CNOT4: variants seen among roughly 807,000 people sequenced by gnomAD.
CNOT4 encodes the protein CCR4-NOT transcription complex subunit 4.
A neutral mutation model predicts 73.8 loss-of-function variants in CNOT4; 8 were observed. That is an observed-to-expected ratio of 0.11 (90% CI 0.06 to 0.20). The LOEUF is 0.20. Among genes scored for constraint, CNOT4 ranks in the 10% least tolerant of loss-of-function variants. The probability of loss-of-function intolerance (pLI) is 1.00; values close to 1 mark genes in which losing one functional copy is unlikely to be tolerated. For synonymous variants in CNOT4, 293 were observed against 321.1 expected, an observed-to-expected ratio of 0.91 and a Z score of 0.94; for missense variants, 564 against 883.4, an observed-to-expected ratio of 0.64 and a Z score of 4.58.
At chr7:135,411,223 A>G (rs1263350815) in intron 6 of CNOT4, among the ~76,000 whole-genome samples, 2 of 152,024 alleles carry the variant, frequency 1.3e-5, no homozygotes, top group Admixed American at 6.6e-5. Flanking sequence ...ATAAAAATTA[A>G]TGTATTTTAA....
chr7:135,362,618 A>AT lies in CNOT4; in HGVS notation c.*266dup, dbSNP rs927120468. ...TTCTAAGTATTGAGACTGCCCTTTG[A>AT]TTTTTTTTTCTCTCCTTAAAAAGGC... is the stretch of plus-strand genomic sequence containing the variant. On this transcript the variant is annotated 3_prime_UTR_variant, in exon 12 of 12. Coordinates refer to ENST00000541284, the MANE Select transcript of CNOT4 (RefSeq NM_001190850.2). The AT allele has an allele frequency of 1.4e-3, 773 of 569,440 alleles. 1 individual carries two copies. Among genetic ancestry groups the AT allele is most frequent in the East Asian group, 6.3e-3 (203 of 32,282 alleles). The allele number at this position is 569,440 out of a possible 1,614,324, so 35.3% of individuals were successfully genotyped here.
chr7:135,417,796 A>G (rs1442694031), intron 3 of CNOT4, among the ~76,000 whole-genome samples: 1 of 152,120 alleles, frequency 6.6e-6, no homozygotes, highest in Non-Finnish European at 1.5e-5. Flanking sequence ...CTGCAATCTA[A>G]TCTTCCAGCC....
rs1197741517 is a variant in CNOT4, at chr7:135,394,020, T to C, written c.1525A>G (p.Met509Val). ...PWMAFPRNSI[M>V]HLNHTANPTS... ...GGGTTTGCTGTGTGGTTCAAGTGCA[T>C]GATGCTATTGCGTGGAAAGGCCATC... The change falls in exon 10 of 12, where the codon ATG (methionine) becomes GTG (valine). Residue 509 changes from methionine to valine, a missense_variant. By Grantham distance (21) the Met-to-Val change is conservative. Coordinates refer to ENST00000541284, the MANE Select transcript of CNOT4 (RefSeq NM_001190850.2). The C allele has an allele frequency of 5.0e-6, 8 of 1,614,044 alleles. No individual in the cohort carries two copies. The highest frequency in any genetic ancestry group is 1.1e-5 in the South Asian group (1 of 91,076).
At chr7:135,456,955 T>C (rs1800572725) in intron 1 of CNOT4, among the ~76,000 whole-genome samples, 1 of 152,054 alleles carries the variant, frequency 6.6e-6, no homozygotes, top group Admixed American at 6.6e-5. Context: ...GATAAGATTT[T>C]GTACATAGAA....
intron 2 of CNOT4, among the ~76,000 whole-genome samples, chr7:135,422,965 A>G (rs1319910080): frequency 6.6e-6 from 1 of 152,136 alleles, no homozygotes; most frequent in Non-Finnish European, 1.5e-5. Flanking sequence ...GAATGCTGGC[A>G]CTGCATCCTA....
chr7:135,476,179 G>A (rs1186731509), intron 1 of CNOT4, among the ~76,000 whole-genome samples: 3 of 152,158 alleles, frequency 2.0e-5, no homozygotes, highest in Non-Finnish European at 4.4e-5. Flanking sequence ...TCCAATGGGA[G>A]AAGATTTTCC....
intron 1 of CNOT4, among the ~76,000 whole-genome samples, chr7:135,466,239 T>A (rs1163375971): frequency 6.6e-6 from 1 of 151,968 alleles, no homozygotes; most frequent in South Asian, 2.1e-4. Flanking sequence ...CCCAGCACTT[T>A]GGCAGTCTGA....
intron 3 of CNOT4, among the ~76,000 whole-genome samples, chr7:135,421,391 G>C (rs1281079194): frequency 6.6e-6 from 1 of 152,026 alleles, no homozygotes; most frequent in Non-Finnish European, 1.5e-5. Flanking sequence ...CTCCTACCAA[G>C]TAAACACTCT....
At position 135,364,088 on chromosome 7, in the gene CNOT4, A is replaced by C; in HGVS notation, c.1628-22T>G. Reference sequence around the variant, plus strand: ...TTGTCTGGGAGATTTACCAACAAAAAAATGAAAGATAAAAAAAAATAAAAA... The same window carrying C: ...TTGTCTGGGAGATTTACCAACAAAACAATGAAAGATAAAAAAAAATAAAAA... On this transcript the variant is annotated intron_variant, in intron 10 of 11. Coordinates refer to ENST00000541284, the MANE Select transcript of CNOT4 (RefSeq NM_001190850.2). This position sits in a 1 kb window ranked among gnomAD's most constrained non-coding sequence, Gnocchi z 4.3. The C allele has an allele frequency of 6.6e-7, 1 of 1,512,826 alleles. No individual in the cohort carries two copies. Among genetic ancestry groups the C allele is most frequent in the Non-Finnish European group, 8.9e-7 (1 of 1,119,020 alleles). The allele number at this position is 1,512,826 out of a possible 1,614,324, so 93.7% of individuals were successfully genotyped here.
chr7:135,389,157 C>CAAAAAAAAAAAAAAAAAAA (rs11292254), intron 10 of CNOT4, among the ~76,000 whole-genome samples: 2 of 83,670 alleles, frequency 2.4e-5, no homozygotes, highest in Non-Finnish European at 4.7e-5. Context: ...AACATACTAC[C>CAAAAAAAAAAAAAAAAAAA]AAAAAAAAAA....
chr7:135,376,696 A>C (rs1795538623), intron 10 of CNOT4, among the ~76,000 whole-genome samples: 1 of 152,196 alleles, frequency 6.6e-6, no homozygotes, highest in Non-Finnish European at 1.5e-5. Flanking sequence ...ATTACACAGC[A>C]CACTTTATTT....
At chr7:135,485,467 C>A (rs1435096319) in intron 1 of CNOT4, among the ~76,000 whole-genome samples, 2 of 150,614 alleles carry the variant, frequency 1.3e-5, no homozygotes, top group Admixed American at 6.6e-5. Context: ...AAACAAAAAA[C>A]AAGTAGAATT....
At chr7:135,482,986 C>CAAAAAAA (rs36125617) in intron 1 of CNOT4, among the ~76,000 whole-genome samples, 6 of 43,506 alleles carry the variant, frequency 1.4e-4, no homozygotes, top group Non-Finnish European at 2.5e-4. Context: ...GACTCCATAT[C>CAAAAAAA]AAAAAAAAAA....
At chr7:135,383,119 T>C (rs1240197127) in intron 10 of CNOT4, among the ~76,000 whole-genome samples, 1 of 152,220 alleles carries the variant, frequency 6.6e-6, no homozygotes, top group Non-Finnish European at 1.5e-5. Context: ...ATCTCTACTG[T>C]TCACCAGTAC....
At chr7:135,405,386 A>G (rs554321134) in intron 7 of CNOT4, among the ~76,000 whole-genome samples, 1 of 152,294 alleles carries the variant, frequency 6.6e-6, no homozygotes, top group South Asian at 2.1e-4. Flanking sequence ...TCTTGTAACT[A>G]GGCCTGCTCA....
At chr7:135,479,753 C>A (rs114633900) in intron 1 of CNOT4, among the ~76,000 whole-genome samples, 1 of 151,500 alleles carries the variant, frequency 6.6e-6, no homozygotes, top group Non-Finnish European at 1.5e-5. Flanking sequence ...AAAAATTAGT[C>A]GGGCGTGGTA....
At position 135,389,958 on chromosome 7, in the gene CNOT4, T is replaced by C. The variant is rs573219989; in HGVS notation, c.1627+3960A>G. ...CTTATAAACCCCAAGAACATAGCAATGAGGCTCTGTAAAGCAAATTTTAGA... is the reference window on the plus strand; with the variant it reads ...CTTATAAACCCCAAGAACATAGCAACGAGGCTCTGTAAAGCAAATTTTAGA... On this transcript the variant is annotated intron_variant, in intron 10 of 11. Coordinates refer to ENST00000541284, the MANE Select transcript of CNOT4 (RefSeq NM_001190850.2). Among the ~76,000 whole-genome samples the C allele has an allele frequency of 4.6e-5, 7 of 152,246 alleles. No homozygotes were observed. In the South Asian group the frequency reaches 1.2e-3, roughly 27 times the overall value.
At chr7:135,393,772 A>G (rs1796523373) in intron 10 of CNOT4, 146 bp downstream of exon 10, 2 of 605,368 alleles carry the variant, frequency 3.3e-6, no homozygotes, top group Non-Finnish European at 5.8e-6. Context: ...AATGAAAAAT[A>G]TATTTTAGAT....
intron 1 of CNOT4, among the ~76,000 whole-genome samples, chr7:135,458,579 CCT>C (rs1386243919): frequency 2.0e-5 from 3 of 152,074 alleles, no homozygotes; most frequent in Admixed American, 1.3e-4. Flanking sequence ...CCTCTCGAAC[CCT>C]GTCACTGCTT....
Sources: gnomAD v4.1 joint callset for allele counts (sites outside exome capture counted in the v4.1 genomes callset) on GRCh38, gnomAD v4.1.1 for gene constraint, Gnocchi (gnomAD v3.1) non-coding constraint, MANE v1.5 for transcripts, NCBI Gene and HGNC (gene_info 2026-07-23, HGNC 2026-07-21) for gene names.